DNAJB2: variants seen among roughly 807,000 people sequenced by gnomAD.
DNAJB2 encodes DnaJ heat shock protein family (Hsp40) member B2, also known as dnaJ homolog subfamily B member 2.
Under a neutral mutation model 33.3 loss-of-function variants are expected in DNAJB2, and 19 were observed. The ratio of observed to expected loss-of-function variants is 0.57; its 90% confidence interval spans 0.40 to 0.84. The LOEUF is 0.84. DNAJB2 is among the 40% of genes least tolerant of loss of function. DNAJB2 has a pLI of 0.00. For synonymous variants in DNAJB2, 172 were observed against 164.6 expected (o/e 1.04, Z -0.34); for missense variants, 368 against 430.9 (o/e 0.85, Z 1.29).
rs1159998808 is a variant in DNAJB2 at position 219,279,943 on chromosome 2, G to A, written c.65+45G>A. 1.2e-6 allele frequency: 2 copies of A among 1,606,012 alleles called. No individual in the cohort carries two copies. Among genetic ancestry groups the A allele is most frequent in the Admixed American group, 1.7e-5 (1 of 59,642 alleles). ...ACAGAAGACCTCTCACCCTCCACCC[G>A]CCACCACCATGGGGCACTTCAGAGT... On this transcript the variant is annotated intron_variant, in intron 2 of 8. Coordinates refer to ENST00000336576, the MANE Select transcript of DNAJB2 (RefSeq NM_006736.6). The surrounding 1 kb of genome is among the most constrained non-coding windows in gnomAD (Gnocchi z 4.9).
At chr2:219,281,523 T>G in intron 3 of DNAJB2, 195 bp from the exon 4 acceptor site, 5 of 631,548 alleles carry the variant, frequency 7.9e-6, no homozygotes, top group Non-Finnish European at 8.3e-6. Context: ...ATTTTCCAGA[T>G]GAGAAGAGGC....
chr2:219,284,099 CTTTTT>C (rs892395313), intron 8 of DNAJB2, among the ~76,000 whole-genome samples: 22 of 152,020 alleles, frequency 1.4e-4, no homozygotes, highest in African/African-American at 5.3e-4. Context: ...TTCCCATTTT[CTTTTT>C]TTTCTTTTTT....
chr2:219,286,088 T>A lies in DNAJB2; in HGVS notation c.*1101T>A. On this transcript the variant is annotated 3_prime_UTR_variant, in exon 9 of 9. Coordinates refer to ENST00000336576, the MANE Select transcript of DNAJB2 (RefSeq NM_006736.6). ...GGAGGGGACCCTCCATTTCTCCCCC[T>A]CACCCATGCTGAGTGTAGAGCCGGG... 1 of 1,122,978 alleles carries A rather than the reference T, an allele frequency of 8.9e-7. No homozygotes were observed. Among genetic ancestry groups the A allele is most frequent in the Non-Finnish European group, 1.1e-6 (1 of 873,948 alleles). The allele number at this position is 1,122,978 out of a possible 1,614,324, so 69.6% of individuals were successfully genotyped here. A position where few individuals can be genotyped will look rare whatever the true frequency, so the allele number is the denominator to read the frequency against.
Position 219,283,446 on chromosome 2 carries a change from G to A in DNAJB2, c.576G>A (p.Val192=). 1 of 1,614,134 alleles carries A rather than the reference G, an allele frequency of 6.2e-7. No homozygotes were observed. The highest frequency in any genetic ancestry group is 1.6e-4 in the Middle Eastern group (1 of 6,062). Residue 192 remains valine (V), a synonymous_variant, in exon 8 of 9, where the codon GTG becomes GTA. Transcript: ENST00000336576. ...RRIMENGQER[V]EVEEDGQLKS... ...TCATGGAGAACGGGCAGGAGCGGGT[G>A]GAAGTGGAGGAGGATGGGCAGCTGA...
At chr2:219,283,541 C>T in intron 8 of DNAJB2, 52 bp downstream of exon 8, 5 of 1,552,882 alleles carry the variant, frequency 3.2e-6, no homozygotes, top group Non-Finnish European at 3.5e-6. Context: ...CAGCCCCAAC[C>T]TCAGCAGCCT....
In DNAJB2 at chr2:219,279,553, T is replaced by C. The variant is rs1057361983; in HGVS notation, c.-37+35T>C. On this transcript the variant is annotated intron_variant, in intron 1 of 8. Coordinates refer to ENST00000336576, the MANE Select transcript of DNAJB2 (RefSeq NM_006736.6). This position sits in a 1 kb window ranked among gnomAD's most constrained non-coding sequence, Gnocchi z 4.9. ...GGGGCCCGGGTCAGGCTGGGGGCCC[T>C]GGATCGGACTGCTGGAGTTGGGGGG... The C allele has an allele frequency of 2.5e-6, 1 of 406,156 alleles. No individual in the cohort carries two copies. The highest frequency in any genetic ancestry group is 4.9e-5 in the East Asian group (1 of 20,308). The allele number at this position is 406,156 out of a possible 1,614,324, so 25.2% of individuals were successfully genotyped here. A position where few individuals can be genotyped will look rare whatever the true frequency, so the allele number is the denominator to read the frequency against.
intron 5 of DNAJB2, 25 bp from the exon 6 acceptor site, chr2:219,282,812 C>G (rs760008384): frequency 6.5e-7 from 1 of 1,548,534 alleles, no homozygotes; most frequent in Non-Finnish European, 8.7e-7. Flanking sequence ...TACCAGATGA[C>G]TGCTAATCTG....
At position 219,279,781 on chromosome 2, in the gene DNAJB2, C is replaced by G. The variant is rs1951887533; in HGVS notation, c.-36-17C>G. 6.2e-7 allele frequency: 1 copy of G among 1,604,564 alleles called. No homozygotes were observed. The highest frequency in any genetic ancestry group is 1.3e-5 in the African/African-American group (1 of 74,754). On this transcript the variant is annotated splice_polypyrimidine_tract_variant and intron_variant, in intron 1 of 8. Transcript: ENST00000336576. This position sits in a 1 kb window ranked among gnomAD's most constrained non-coding sequence, Gnocchi z 4.9. ...GGGGCTCTTGGTTCTTTCCGCCTGACTCCTTCTCTTCTGCAGCCCCAAGGA... is the reference window on the plus strand; with the variant it reads ...GGGGCTCTTGGTTCTTTCCGCCTGAGTCCTTCTCTTCTGCAGCCCCAAGGA...
intron 8 of DNAJB2, among the ~76,000 whole-genome samples, chr2:219,283,796 A>G (rs1159395195): frequency 6.6e-6 from 1 of 152,228 alleles, no homozygotes; most frequent in African/African-American, 2.4e-5. Context: ...GGCAGATGGT[A>G]TCCACTTAGT....
intron 5 of DNAJB2, 23 bp downstream of exon 5, chr2:219,282,084 T>C (rs778951823): frequency 2.9e-5 from 47 of 1,614,008 alleles, no homozygotes; most frequent in Admixed American, 6.7e-5. Context: ...TGGAAGCCTC[T>C]GAATGGCTCA....
Position 219,279,732 on chromosome 2 carries a change from G to A in DNAJB2, c.-36-66G>A, listed in dbSNP as rs1243000378. The A allele has an allele frequency of 2.2e-6, 3 of 1,352,938 alleles. No individual in the cohort carries two copies. The African/African-American group carries it at 4.3e-5, about 20-fold the overall frequency. 83.8% of individuals were successfully genotyped at this position (1,352,938 alleles called of 1,614,324 possible). On this transcript the variant is annotated intron_variant, in intron 1 of 8. Transcript: ENST00000336576. This position sits in a 1 kb window ranked among gnomAD's most constrained non-coding sequence, Gnocchi z 4.9. ...GGGAGCGCCTTCCGCCACCCGGGGA[G>A]GGGGACTGCTGCAGCCACAGGGTGG...
Position 219,286,038 on chromosome 2 carries a change from G to C in DNAJB2, c.*1051G>C, listed in dbSNP as rs1951952789. On this transcript the variant is annotated 3_prime_UTR_variant, in exon 9 of 9. Coordinates refer to ENST00000336576, the MANE Select transcript of DNAJB2 (RefSeq NM_006736.6). ...CCAGAATCGCTGCACAGTTCCAACA[G>C]GACAGCGCCTTCCCCCATGCGCTGG... 1 of 1,606,798 alleles carries C rather than the reference G, an allele frequency of 6.2e-7. No homozygotes were observed. The highest frequency in any genetic ancestry group is 1.3e-5 in the African/African-American group (1 of 74,854).
chr2:219,285,303 T>G lies in DNAJB2; in HGVS notation c.*316T>G, dbSNP rs1951944852. ...GGTTTGGGCTGGGCCTTTTGTGCCCTGGTACTCTGCCACCTGTGTTGCTGA... is the reference window on the plus strand; with the variant it reads ...GGTTTGGGCTGGGCCTTTTGTGCCCGGGTACTCTGCCACCTGTGTTGCTGA... On this transcript the variant is annotated 3_prime_UTR_variant, in exon 9 of 9. Transcript: ENST00000336576. 9.3e-7 allele frequency: 1 copy of G among 1,077,114 alleles called. No homozygotes were observed. Among genetic ancestry groups the G allele is most frequent in the Non-Finnish European group, 1.1e-6 (1 of 888,866 alleles). 66.7% of individuals were successfully genotyped at this position (1,077,114 alleles called of 1,614,324 possible). A position where few individuals can be genotyped will look rare whatever the true frequency, so the allele number is the denominator to read the frequency against.
At chr2:219,282,547 G>A in intron 5 of DNAJB2, 1 of 393,348 alleles carries the variant, frequency 2.5e-6, no homozygotes, top group Non-Finnish European at 4.5e-6. Flanking sequence ...ACTCCTAGCT[G>A]TGTCTGCCTG....
rs1574902615 is a variant in DNAJB2, at chr2:219,285,216, A to T, written c.*229A>T. 8 of 1,238,458 alleles carry T rather than the reference A, an allele frequency of 6.5e-6. 2 individuals are homozygous for T. The Admixed American group carries it at 3.1e-4, about 48-fold the overall frequency. 76.7% of individuals were successfully genotyped at this position (1,238,458 alleles called of 1,614,324 possible). A position where few individuals can be genotyped will look rare whatever the true frequency, so the allele number is the denominator to read the frequency against. Reference sequence around the variant, plus strand: ...AGCCCAGGGTGGGGGGTGTCAGGGCAGTGGAGGGGCCCGAGGAGCCAGGTT... The same window carrying T: ...AGCCCAGGGTGGGGGGTGTCAGGGCTGTGGAGGGGCCCGAGGAGCCAGGTT... On this transcript the variant is annotated 3_prime_UTR_variant, in exon 9 of 9. Coordinates refer to ENST00000336576, the MANE Select transcript of DNAJB2 (RefSeq NM_006736.6).
At chr2:219,280,939 C>T in intron 3 of DNAJB2, 1 of 496,596 alleles carries the variant, frequency 2.0e-6, no homozygotes, top group Non-Finnish European at 3.6e-6. Context: ...TCCTGCGTGC[C>T]AGGCATTGGT....
chr2:219,281,490 C>T (rs371883062), intron 3 of DNAJB2: 431 of 584,298 alleles, frequency 7.4e-4, no homozygotes, highest in African/African-American at 7.1e-3. Flanking sequence ...CAACCCTGTG[C>T]GGTAGGTGTT....
At position 219,280,728 on chromosome 2, in the gene DNAJB2, T is replaced by TA. The variant is rs1364031296; in HGVS notation, c.175+42dup. On this transcript the variant is annotated intron_variant, in intron 3 of 8. Coordinates refer to ENST00000336576, the MANE Select transcript of DNAJB2 (RefSeq NM_006736.6). ...AGGCAGGACCCAGCACATCACCCCC[T>TA]ACTTCATGCCCCAGCTCACATTTTC... 3 of 1,400,282 alleles carry TA rather than the reference T, an allele frequency of 2.1e-6. No individual in the cohort carries two copies. In the East Asian group the frequency reaches 6.9e-5, roughly 32 times the overall value. The allele number at this position is 1,400,282 out of a possible 1,614,324, so 86.7% of individuals were successfully genotyped here.
rs376834041 is a variant in DNAJB2 at position 219,286,056 on chromosome 2, T to C, written c.*1069T>C. On this transcript the variant is annotated 3_prime_UTR_variant, in exon 9 of 9. Coordinates refer to ENST00000336576, the MANE Select transcript of DNAJB2 (RefSeq NM_006736.6). The stretch of plus-strand genomic sequence containing the variant: ...TCCAACAGGACAGCGCCTTCCCCCA[T>C]GCGCTGGGAGGGGACCCTCCATTTC... 1.2e-4 allele frequency: 168 copies of C among 1,410,264 alleles called. No individual in the cohort carries two copies. The African/African-American group carries it at 2.3e-3, about 19-fold the overall frequency. 87.4% of individuals were successfully genotyped at this position (1,410,264 alleles called of 1,614,324 possible).
Sources: gnomAD v4.1 joint callset for allele counts (sites outside exome capture counted in the v4.1 genomes callset) on GRCh38, gnomAD v4.1.1 for gene constraint, Gnocchi (gnomAD v3.1) non-coding constraint, MANE v1.5 for transcripts, NCBI Gene and HGNC (gene_info 2026-07-23, HGNC 2026-07-21) for gene names.